Variants in GNAI2 observed in about 807,000 individuals in gnomAD.
GNAI2 encodes G protein subunit alpha i2, also known as guanine nucleotide-binding protein G(i) subunit alpha-2.
In GNAI2, 4 loss-of-function variants were observed where a neutral mutation model predicts 36.8. The ratio of observed to expected loss-of-function variants is 0.11; its 90% CI spans 0.05 to 0.25. The LOEUF (loss-of-function observed/expected upper bound fraction) is 0.25, where lower values mean the gene tolerates loss of function less well. GNAI2 is among the 10% of genes least tolerant of loss of function. GNAI2 has a pLI of 1.00. For missense variants in GNAI2, 230 were observed against 481.3 expected, an observed-to-expected ratio of 0.48 and a Z score of 4.89; for synonymous variants, 194 against 194.1, an observed-to-expected ratio of 1.00 and a Z score of 0.01.
intron 1 of GNAI2, 104 bp from the exon 2 acceptor site, chr3:50,251,996 G>T: frequency 8.7e-7 from 1 of 1,149,412 alleles, no homozygotes. Flanking sequence ...CAGCTGGTGG[G>T]AAGGTTAGTT....
In GNAI2 at chr3:50,237,305, A is replaced by G. The variant is rs1164331485; in HGVS notation, c.118+852A>G. Among the ~76,000 whole-genome samples, 5 of 152,224 alleles carry G rather than the reference A, an allele frequency of 3.3e-5. No homozygotes were observed. The South Asian group carries it at 1.0e-3, about 32-fold the overall frequency. Reference sequence around the variant, plus strand: ...AGGGGGCCAGGCCTCAGGCTTCCCAAGGAGGCTCTATGTTTTCCAGTTTCG... The same window carrying G: ...AGGGGGCCAGGCCTCAGGCTTCCCAGGGAGGCTCTATGTTTTCCAGTTTCG... On this transcript the variant is annotated intron_variant, in intron 1 of 8. Transcript: ENST00000313601.
intron 1 of GNAI2, chr3:50,246,947 C>G (rs1700438603): frequency 2.7e-6 from 4 of 1,487,734 alleles, no homozygotes; most frequent in Non-Finnish European, 3.6e-6. Flanking sequence ...GGAACCACCA[C>G]AGCTCTGAAT....
At chr3:50,239,139 G>A (rs1275591843) in intron 1 of GNAI2, among the ~76,000 whole-genome samples, 1 of 152,182 alleles carries the variant, frequency 6.6e-6, no homozygotes, top group African/African-American at 2.4e-5. Context: ...ACCCTGGTCT[G>A]GGCTCTTAAG....
At chr3:50,254,234 G>C (rs1392298793) in intron 4 of GNAI2, among the ~76,000 whole-genome samples, 2 of 152,168 alleles carry the variant, frequency 1.3e-5, no homozygotes, top group Non-Finnish European at 2.9e-5. Context: ...CGGGGAACAG[G>C]ATAGACAGGC....
At chr3:50,230,283 C>G (rs781869914), upstream of GNAI2, 8 of 152,338 alleles carry the variant, frequency 5.3e-5, no homozygotes, top group Non-Finnish European at 7.3e-5. Context: ...GGAAGTAGAA[C>G]CTGCCCCAGG....
chr3:50,252,162 G>T lies in GNAI2; in HGVS notation c.161+20G>T, dbSNP rs193009194. On this transcript the variant is annotated intron_variant, in intron 2 of 8. Transcript: ENST00000313601. This position sits in a 1 kb window ranked among gnomAD's most constrained non-coding sequence, Gnocchi z 4.1. ...GATGAAGTAAGTGCTGTATTCCAGAGGCAGTGCTCAAACTCCAGCTTCCCC... is the reference window on the plus strand; with the variant it reads ...GATGAAGTAAGTGCTGTATTCCAGATGCAGTGCTCAAACTCCAGCTTCCCC... 2 of 1,611,658 alleles carry T rather than the reference G, an allele frequency of 1.2e-6. No homozygotes were observed. The highest frequency in any genetic ancestry group is 2.7e-5 in the African/African-American group (2 of 74,956).
rs781790709 is a variant in GNAI2 at position 50,238,356 on chromosome 3, A to T, written c.118+1903A>T. 1.3e-5 allele frequency: 2 copies of T among 152,330 alleles called. No homozygotes were observed. Among genetic ancestry groups the T allele is most frequent in the Non-Finnish European group, 2.9e-5 (2 of 68,094 alleles). 9.4% of individuals were successfully genotyped at this position (152,330 alleles called of 1,614,324 possible). On this transcript the variant is annotated intron_variant, in intron 1 of 8. Transcript: ENST00000313601. This position sits in a 1 kb window ranked among gnomAD's most constrained non-coding sequence, Gnocchi z 5.0. Reference sequence around the variant, plus strand: ...CTGGCTAGTTTTGTGTCCCGACACCAGAAGGGTCCCCCATCCCACCAGGCC... The same window carrying T: ...CTGGCTAGTTTTGTGTCCCGACACCTGAAGGGTCCCCCATCCCACCAGGCC...
intron 1 of GNAI2, chr3:50,251,507 A>T: frequency 8.9e-7 from 1 of 1,122,234 alleles, no homozygotes; most frequent in African/African-American, 1.7e-5. Flanking sequence ...GGTCTCCTAG[A>T]TTCTAGCCTT....
At chr3:50,227,907 G>T (rs1036658815), upstream of GNAI2, among the ~76,000 whole-genome samples, 1 of 152,180 alleles carries the variant, frequency 6.6e-6, no homozygotes, top group African/African-American at 2.4e-5. This position sits in a 1 kb window ranked among gnomAD's most constrained non-coding sequence, Gnocchi z 5.9. Context: ...CCCAGGACAG[G>T]GCAAGGAAGG....
intron 1 of GNAI2, among the ~76,000 whole-genome samples, chr3:50,243,073 G>A (rs941777720): frequency 6.6e-6 from 1 of 152,228 alleles, no homozygotes; most frequent in Non-Finnish European, 1.5e-5. Context: ...CTAGGGTGGG[G>A]GTGAGAGCCC....
At chr3:50,237,069 C>T (rs926451866) in intron 1 of GNAI2, among the ~76,000 whole-genome samples, 1 of 152,248 alleles carries the variant, frequency 6.6e-6, no homozygotes, top group East Asian at 1.9e-4. Context: ...TTCCTGCCCT[C>T]CAGATCCTTC....
upstream of GNAI2, among the ~76,000 whole-genome samples, chr3:50,232,082 C>T (rs1011639484): frequency 2.6e-5 from 4 of 151,516 alleles, no homozygotes; most frequent in African/African-American, 9.7e-5. Flanking sequence ...TGCAATCCAG[C>T]ACTTTGGGAG....
At chr3:50,251,493 T>C (rs1338483090) in intron 1 of GNAI2, 1 of 1,116,440 alleles carries the variant, frequency 9.0e-7, no homozygotes, top group African/African-American at 1.7e-5. Flanking sequence ...TGTGTTACAC[T>C]GTAGGTCTCC....
intron 1 of GNAI2, chr3:50,247,146 G>A: frequency 1.4e-6 from 1 of 697,464 alleles, no homozygotes; most frequent in Non-Finnish European, 2.6e-6. Context: ...GCTCACATGT[G>A]CCCCACACTG....
chr3:50,241,748 C>T lies in GNAI2; in HGVS notation c.118+5295C>T, dbSNP rs1371249842. On this transcript the variant is annotated intron_variant, in intron 1 of 8. Coordinates refer to ENST00000313601, the MANE Select transcript of GNAI2 (RefSeq NM_002070.4). This position sits in a 1 kb window ranked among gnomAD's most constrained non-coding sequence, Gnocchi z 5.0. ...TGTCAGAAGCCCTGAGGCAGCATCA[C>T]ACCACCCACTATGTGTCAGAGCCTA... 1.3e-5 allele frequency among the ~76,000 whole-genome samples: 2 copies of T among 152,216 alleles called. No homozygotes were observed. Among genetic ancestry groups the T allele is most frequent in the Non-Finnish European group, 2.9e-5 (2 of 68,032 alleles).
At chr3:50,251,869 C>A in intron 1 of GNAI2, 1 of 1,119,896 alleles carries the variant, frequency 8.9e-7, no homozygotes, top group Non-Finnish European at 1.2e-6. Flanking sequence ...CAAAGGCCTG[C>A]AGAGAGTCTG....
intron 1 of GNAI2, among the ~76,000 whole-genome samples, chr3:50,244,336 C>T (rs187643233): frequency 6.6e-6 from 1 of 152,252 alleles, no homozygotes; most frequent in East Asian, 1.9e-4. Context: ...GCTGCAGCTG[C>T]ACCTTTTGAC....
upstream of GNAI2, chr3:50,230,277 G>A (rs1249930639): frequency 6.6e-6 from 1 of 152,396 alleles, no homozygotes; most frequent in Non-Finnish European, 1.5e-5. Context: ...GAACCAGGAA[G>A]TAGAACCTGC....
At position 50,258,708 on chromosome 3, in the gene GNAI2, C is replaced by T. The variant is rs587688806; in HGVS notation, c.*365C>T. ...CTGCTTCTCCAGCCTGGACCCCCAG[C>T]TTTGCCCAACACCAGCCCCTGCCCC... On this transcript the variant is annotated 3_prime_UTR_variant, in exon 9 of 9. Coordinates refer to ENST00000313601, the MANE Select transcript of GNAI2 (RefSeq NM_002070.4). 3 of 354,914 alleles carry T rather than the reference C, an allele frequency of 8.5e-6. No homozygotes were observed. The highest frequency in any genetic ancestry group is 6.6e-5 in the South Asian group (3 of 45,400). 22.0% of individuals were successfully genotyped at this position (354,914 alleles called of 1,614,324 possible).
Sources: allele counts gnomAD v4.1 joint callset (sites outside exome capture counted in the v4.1 genomes callset), GRCh38; gene constraint gnomAD v4.1.1; non-coding constraint Gnocchi (gnomAD v3.1); transcripts MANE v1.5; gene names NCBI Gene and HGNC (gene_info 2026-07-23, HGNC 2026-07-21).